ITPR1: variants seen among roughly 807,000 people sequenced by gnomAD.
ITPR1 encodes inositol 1,4,5-trisphosphate receptor type 1, also known as inositol 1,4,5-trisphosphate-gated calcium channel ITPR1.
Under a neutral mutation model 318.4 loss-of-function variants are expected in ITPR1, and 96 were observed. The ratio of observed to expected loss-of-function variants is 0.30; its 90% CI spans 0.26 to 0.36. The LOEUF is 0.36. Among genes scored for constraint, ITPR1 ranks in the 10% least tolerant of loss-of-function variants. The probability of loss-of-function intolerance (pLI) is 1.00; values close to 1 mark genes in which losing one functional copy is unlikely to be tolerated. For synonymous variants in ITPR1, 1,312 were observed against 1,289.9 expected (o/e 1.02, Z -0.37); for missense variants, 2,440 against 3,460.2 (o/e 0.71, Z 7.40).
chr3:4,632,090 G>C (rs907736834), intron 5 of ITPR1, among the ~76,000 whole-genome samples: 4 of 152,226 alleles, frequency 2.6e-5, no homozygotes, highest in Admixed American at 2.6e-4. Context: ...CTGAACATCA[G>C]TAGCACCCTC....
At chr3:4,592,270 A>G (rs2090451812) in intron 4 of ITPR1, among the ~76,000 whole-genome samples, 1 of 152,086 alleles carries the variant, frequency 6.6e-6, no homozygotes, top group Non-Finnish European at 1.5e-5. Context: ...GTCTTGTTTT[A>G]TGTTTTGTGT....
At chr3:4,765,516 G>A (rs1481039556) in intron 44 of ITPR1, among the ~76,000 whole-genome samples, 1 of 152,116 alleles carries the variant, frequency 6.6e-6, no homozygotes, top group East Asian at 1.9e-4. Context: ...GAGTAAGGTG[G>A]CTTCAAGAAG....
At chr3:4,653,165 G>A (rs1231263724) in intron 11 of ITPR1, among the ~76,000 whole-genome samples, 6 of 152,116 alleles carry the variant, frequency 3.9e-5, no homozygotes, top group African/African-American at 7.2e-5. Context: ...GATTCTAGTC[G>A]TGCATCAAAA....
intron 46 of ITPR1, among the ~76,000 whole-genome samples, chr3:4,773,315 G>A (rs942639458): frequency 3.3e-5 from 5 of 152,190 alleles, no homozygotes; most frequent in African/African-American, 9.6e-5. Context: ...AATGAGGAGT[G>A]CTTGAAGTGT....
At chr3:4,497,506 A>G (rs2080685721) in intron 2 of ITPR1, among the ~76,000 whole-genome samples, 2 of 152,228 alleles carry the variant, frequency 1.3e-5, no homozygotes, top group Non-Finnish European at 2.9e-5. Flanking sequence ...AGTAAGTATT[A>G]TAGTATTAGA....
intron 44 of ITPR1, among the ~76,000 whole-genome samples, chr3:4,737,364 C>T (rs1036216937): frequency 2.8e-4 from 43 of 152,236 alleles, no homozygotes; most frequent in East Asian, 1.2e-3. Context: ...AGCCTGCAGA[C>T]GGTCTGTGGA....
At chr3:4,768,910 T>C in intron 46 of ITPR1, 146 bp downstream of exon 46, 6 of 735,216 alleles carry the variant, frequency 8.2e-6, no homozygotes, top group Non-Finnish European at 1.1e-5. Flanking sequence ...TTTTCTTTTT[T>C]CTTTTTTCTT....
intron 2 of ITPR1, among the ~76,000 whole-genome samples, chr3:4,506,219 G>A (rs1403336060): frequency 3.3e-5 from 5 of 152,170 alleles, no homozygotes; most frequent in African/African-American, 1.2e-4. Context: ...GGCTTGTGAA[G>A]TCCTACTGGC....
At chr3:4,521,001 G>A (rs2082523885) in intron 3 of ITPR1, 23 bp from the exon 4 acceptor site, 1 of 1,569,174 alleles carries the variant, frequency 6.4e-7, no homozygotes, top group Middle Eastern at 1.7e-4. Context: ...ACTTGACAGA[G>A]CATTTATCTG....
intron 55 of ITPR1, among the ~76,000 whole-genome samples, chr3:4,810,655 GC>G (rs1236369112): frequency 6.6e-6 from 1 of 152,208 alleles, no homozygotes; most frequent in Non-Finnish European, 1.5e-5. Context: ...TAAGCACTGT[GC>G]GTACGTGGTT....
chr3:4,621,463 C>T (rs1399098205), intron 4 of ITPR1, among the ~76,000 whole-genome samples: 1 of 152,176 alleles, frequency 6.6e-6, no homozygotes, highest in African/African-American at 2.4e-5. Flanking sequence ...AGTCACTTCC[C>T]TCCAGGCCCA....
chr3:4,510,413 A>G lies in ITPR1; in HGVS notation c.-16-6063A>G, dbSNP rs563767241. Among the ~76,000 whole-genome samples, 4 of 152,364 alleles carry G rather than the reference A, an allele frequency of 2.6e-5. No individual in the cohort carries two copies. The East Asian group carries it at 7.7e-4, about 29-fold the overall frequency. On this transcript the variant is annotated intron_variant, in intron 2 of 61. Transcript: ENST00000649015. ...GATTGAGGAGGAAAGACAGATTCAG[A>G]GAAACGAGTAGGAAGGCCTTAGGGA...
chr3:4,624,825 A>G (rs1345639995), intron 4 of ITPR1, among the ~76,000 whole-genome samples: 2 of 152,222 alleles, frequency 1.3e-5, no homozygotes, highest in African/African-American at 4.8e-5. Context: ...GTTAATGTAA[A>G]CTACTGTCTC....
At chr3:4,655,342 T>A (rs1575932083) in intron 12 of ITPR1, among the ~76,000 whole-genome samples, 1 of 151,944 alleles carries the variant, frequency 6.6e-6, no homozygotes, top group African/African-American at 2.4e-5. Flanking sequence ...CTCTGGCGGG[T>A]AGAGGGCTGC....
chr3:4,519,235 T>A lies in ITPR1; in HGVS notation c.93-1789T>A, dbSNP rs73127268. Among the ~76,000 whole-genome samples, 1,143 of 152,278 alleles carry A rather than the reference T, an allele frequency of 7.5e-3. 6 individuals carry two copies. The highest frequency in any genetic ancestry group is 0.018 in the African/African-American group (743 of 41,540). ...TGAGAACTTGATGATTTATTTATTTTTTTTTTTCTTGAGATGGAGTCTCAC... is the reference window on the plus strand; with the variant it reads ...TGAGAACTTGATGATTTATTTATTTATTTTTTTCTTGAGATGGAGTCTCAC... On this transcript the variant is annotated intron_variant, in intron 3 of 61. Coordinates refer to ENST00000649015, the MANE Select transcript of ITPR1 (RefSeq NM_001378452.1).
intron 5 of ITPR1, among the ~76,000 whole-genome samples, chr3:4,634,255 C>A (rs922114537): frequency 1.2e-4 from 18 of 151,944 alleles, no homozygotes; most frequent in African/African-American, 4.4e-4. Flanking sequence ...ACTCTATCAC[C>A]CACGCTGGTG....
At chr3:4,611,619 C>G (rs1199860410) in intron 4 of ITPR1, among the ~76,000 whole-genome samples, 1 of 139,858 alleles carries the variant, frequency 7.2e-6, no homozygotes, top group Non-Finnish European at 1.5e-5. Flanking sequence ...GTGGCATGTG[C>G]GTGTAGTTCC....
At chr3:4,701,357 T>C in intron 35 of ITPR1, among the ~76,000 whole-genome samples, 1 of 152,204 alleles carries the variant, frequency 6.6e-6, no homozygotes, top group East Asian at 1.9e-4. Flanking sequence ...GAGCCTGGCA[T>C]GTAGGAAGTG....
At chr3:4,695,774 C>G (rs911863676) in intron 33 of ITPR1, among the ~76,000 whole-genome samples, 1 of 152,124 alleles carries the variant, frequency 6.6e-6, no homozygotes, top group Non-Finnish European at 1.5e-5. Flanking sequence ...TTGGAGCATT[C>G]CTTTCTATTG....
Sources: allele counts gnomAD v4.1 joint callset (sites outside exome capture counted in the v4.1 genomes callset), GRCh38; gene constraint gnomAD v4.1.1; transcripts MANE v1.5; gene names NCBI Gene and HGNC (gene_info 2026-07-23, HGNC 2026-07-21).